NKAIN2: variants seen among roughly 807,000 people sequenced by gnomAD.
NKAIN2 encodes the protein sodium/potassium transporting ATPase interacting 2.
In NKAIN2, 14 loss-of-function variants were observed where a neutral mutation model predicts 32.6. The ratio of observed to expected loss-of-function variants is 0.43; its 90% CI spans 0.28 to 0.67. NKAIN2 has a LOEUF of 0.67. Among genes scored for constraint, NKAIN2 ranks in the 30% least tolerant of loss-of-function variants. The probability of loss-of-function intolerance (pLI) is 0.17; values close to 1 mark genes in which losing one functional copy is unlikely to be tolerated. For synonymous variants in NKAIN2, 80 were observed against 87.2 expected, an observed-to-expected ratio of 0.92 and a Z score of 0.46; for missense variants, 198 against 258.3, an observed-to-expected ratio of 0.77 and a Z score of 1.60.
chr6:124,071,454 C>G (rs7767270), intron 1 of NKAIN2, among the ~76,000 whole-genome samples: 1 of 151,974 alleles, frequency 6.6e-6, no homozygotes, highest in African/African-American at 2.4e-5. Context: ...GCAATTGCAA[C>G]AAAAACAAAA....
intron 3 of NKAIN2, among the ~76,000 whole-genome samples, chr6:124,507,893 A>T (rs1007483219): frequency 6.6e-6 from 1 of 152,166 alleles, no homozygotes; most frequent in African/African-American, 2.4e-5. Context: ...AATATAAGTG[A>T]TAATTTATGT....
chr6:124,396,383 C>T (rs1450302774), intron 3 of NKAIN2, among the ~76,000 whole-genome samples: 1 of 133,330 alleles, frequency 7.5e-6, no homozygotes, highest in Non-Finnish European at 1.6e-5. Context: ...AAAATGGGTA[C>T]CAAAAAAACA....
intron 1 of NKAIN2, among the ~76,000 whole-genome samples, chr6:123,819,722 G>A (rs1773846781): frequency 6.6e-6 from 1 of 152,132 alleles, no homozygotes; most frequent in African/African-American, 2.4e-5. Context: ...TGCACTTCCA[G>A]TAAAGAGATG....
intron 2 of NKAIN2, among the ~76,000 whole-genome samples, chr6:124,300,601 A>G (rs1796253607): frequency 6.6e-6 from 1 of 152,174 alleles, no homozygotes; most frequent in Non-Finnish European, 1.5e-5. Context: ...AAAATGTGGG[A>G]ATGTTTGGAA....
At chr6:123,935,787 G>A (rs1317621579) in intron 1 of NKAIN2, among the ~76,000 whole-genome samples, 1 of 151,978 alleles carries the variant, frequency 6.6e-6, no homozygotes, top group African/African-American at 2.4e-5. Flanking sequence ...TTCCAACCAT[G>A]GAAACTGTGC....
intron 4 of NKAIN2, among the ~76,000 whole-genome samples, chr6:124,755,829 A>G (rs1040720617): frequency 5.3e-5 from 8 of 152,170 alleles, no homozygotes; most frequent in Admixed American, 3.9e-4. Context: ...AAGTTGACCT[A>G]TGTAACAAAC....
chr6:124,493,244 T>G (rs1777934919), intron 3 of NKAIN2, among the ~76,000 whole-genome samples: 1 of 152,048 alleles, frequency 6.6e-6, no homozygotes, highest in African/African-American at 2.4e-5. Flanking sequence ...GAAAACATAT[T>G]TAGCCTAGAT....
At chr6:124,533,332 C>A (rs2114826069) in intron 3 of NKAIN2, among the ~76,000 whole-genome samples, 1 of 151,850 alleles carries the variant, frequency 6.6e-6, no homozygotes, top group South Asian at 2.1e-4. Flanking sequence ...ATTAGCCGGG[C>A]ATGGTGGTGG....
At chr6:124,001,621 G>C (rs1463164743) in intron 1 of NKAIN2, among the ~76,000 whole-genome samples, 1 of 151,634 alleles carries the variant, frequency 6.6e-6, no homozygotes, top group East Asian at 1.9e-4. Context: ...AGACATAGGA[G>C]TGACTACTAT....
chr6:124,580,138 T>C (rs1781469745), intron 3 of NKAIN2, among the ~76,000 whole-genome samples: 1 of 152,274 alleles, frequency 6.6e-6, no homozygotes, highest in Admixed American at 6.5e-5. Context: ...TAAGAAATCA[T>C]CTGAAGGTGC....
At chr6:123,928,773 G>A (rs1161965406) in intron 1 of NKAIN2, among the ~76,000 whole-genome samples, 2 of 152,156 alleles carry the variant, frequency 1.3e-5, no homozygotes, top group Non-Finnish European at 2.9e-5. Context: ...AGACATAAAT[G>A]CATCAGCATG....
At chr6:123,889,073 A>G (rs552401773) in intron 1 of NKAIN2, among the ~76,000 whole-genome samples, 19 of 152,262 alleles carry the variant, frequency 1.2e-4, no homozygotes, top group Non-Finnish European at 2.1e-4. Flanking sequence ...TATTTTCTCT[A>G]TTTTAATGCT....
chr6:124,421,699 T>C (rs1324044566), intron 3 of NKAIN2, among the ~76,000 whole-genome samples: 1 of 152,120 alleles, frequency 6.6e-6, no homozygotes, highest in Non-Finnish European at 1.5e-5. Context: ...TAGCAAATGG[T>C]GGGAAAGTGA....
intron 5 of NKAIN2, among the ~76,000 whole-genome samples, chr6:124,814,482 C>T (rs1268547239): frequency 6.6e-6 from 1 of 152,174 alleles, no homozygotes; most frequent in African/African-American, 2.4e-5. Flanking sequence ...GGAACTTCTT[C>T]CATACCCAGG....
At chr6:124,701,631 G>T (rs1057319889) in intron 4 of NKAIN2, among the ~76,000 whole-genome samples, 1 of 151,996 alleles carries the variant, frequency 6.6e-6, no homozygotes, top group Non-Finnish European at 1.5e-5. Context: ...AGAAAAAGAA[G>T]CATGACAATA....
chr6:124,229,187 G>A (rs918684263), intron 1 of NKAIN2, among the ~76,000 whole-genome samples: 4 of 152,102 alleles, frequency 2.6e-5, no homozygotes, highest in Non-Finnish European at 4.4e-5. Flanking sequence ...TAAGATGGAG[G>A]AAATGTACCA....
At chr6:124,520,035 A>T (rs1168080665) in intron 3 of NKAIN2, among the ~76,000 whole-genome samples, 1 of 152,156 alleles carries the variant, frequency 6.6e-6, no homozygotes, top group Non-Finnish European at 1.5e-5. Flanking sequence ...AAGGTCACAG[A>T]CAAGTAAGTA....
intron 1 of NKAIN2, among the ~76,000 whole-genome samples, chr6:123,993,748 T>C (rs1345135010): frequency 2.6e-5 from 4 of 152,156 alleles, no homozygotes; most frequent in Non-Finnish European, 5.9e-5. Flanking sequence ...CCAAAGAACA[T>C]CTTTTATGTC....
At chr6:124,737,355 T>A (rs1777000246) in intron 4 of NKAIN2, among the ~76,000 whole-genome samples, 1 of 151,834 alleles carries the variant, frequency 6.6e-6, no homozygotes, top group Non-Finnish European at 1.5e-5. Context: ...GCACTTCTCC[T>A]TGCTGCCACC....
Sources: allele counts gnomAD v4.1 joint callset (sites outside exome capture counted in the v4.1 genomes callset), GRCh38; gene constraint gnomAD v4.1.1; transcripts MANE v1.5; gene names NCBI Gene and HGNC (gene_info 2026-07-23, HGNC 2026-07-21).